SLC7A6OS: variants seen among roughly 807,000 people sequenced by gnomAD.
SLC7A6OS encodes solute carrier family 7 member 6 opposite strand.
In SLC7A6OS, 22 loss-of-function variants were observed where a neutral mutation model predicts 34.3. The observed-to-expected ratio is 0.64, with a 90% confidence interval of 0.46 to 0.92. The LOEUF is 0.92. SLC7A6OS is among the 40% of genes least tolerant of loss of function. The pLI, the probability that SLC7A6OS is intolerant of heterozygous loss-of-function variation, is 0.00. For missense variants in SLC7A6OS, 434 were observed against 407.7 expected, an observed-to-expected ratio of 1.06 and a Z score of -0.56; for synonymous variants, 199 against 165.0, an observed-to-expected ratio of 1.21 and a Z score of -1.58.
rs4783616 is a variant in SLC7A6OS, at chr16:68,309,321, G to T, written c.471+1014C>A. ...TTTGTTGCCCAGGCTGGCCTCAAGC[G>T]ACCCTCCTGCCTCAGCCTCCCAAAG... On this transcript the variant is annotated intron_variant, in intron 2 of 4. Transcript: ENST00000263997. Among the ~76,000 whole-genome samples, 6 of 151,868 alleles carry T rather than the reference G, an allele frequency of 4.0e-5. No homozygotes were observed. The South Asian group carries it at 1.0e-3, about 26-fold the overall frequency.
At chr16:68,301,636 G>A (rs2043278265) in intron 4 of SLC7A6OS, 2 of 354,172 alleles carry the variant, frequency 5.6e-6, no homozygotes, top group Non-Finnish European at 1.0e-5. Context: ...CCCCTCCGTG[G>A]AGTATTTTGT....
At position 68,301,334 on chromosome 16, in the gene SLC7A6OS, G is replaced by T; in HGVS notation, c.871C>A (p.Pro291Thr). 1 of 1,614,092 alleles carries T rather than the reference G, an allele frequency of 6.2e-7. No homozygotes were observed. Residue 291 changes from proline (P) to threonine (T), a missense_variant, in exon 5 of 5, where the codon CCT becomes ACT. Pro to Thr is a conservative substitution (Grantham distance 38, BLOSUM62 -1). Coordinates refer to ENST00000263997, the MANE Select transcript of SLC7A6OS (RefSeq NM_032178.3). ...CCGAACTCCTTCTGCACATCCAGAGGGTACTTGCTCCACATCCGCTGTCTG... is the reference window on the plus strand; with the variant it reads ...CCGAACTCCTTCTGCACATCCAGAGTGTACTTGCTCCACATCCGCTGTCTG... Reference protein sequence around the residue: ...SSRQRMWSKYPLDVQKEFGYD... With the variant: ...SSRQRMWSKYTLDVQKEFGYD...
rs1289890136 is a variant in SLC7A6OS, at chr16:68,310,574, G to A, written c.232C>T (p.Pro78Ser). ...VQPLLREVLRPSRDSQQRVRR... is the reference protein window; with the variant it reads ...VQPLLREVLRSSRDSQQRVRR... Reference sequence around the variant, plus strand: ...ACACGCTGCTGGCTGTCCCGTGACGGGCGCAGAACTTCCCGCAGGAGAGGC... The same window carrying A: ...ACACGCTGCTGGCTGTCCCGTGACGAGCGCAGAACTTCCCGCAGGAGAGGC... Residue 78 changes from proline (P) to serine (S), a missense_variant, in exon 2 of 5, where the codon CCG (proline) becomes TCG (serine). Physicochemically the swap from Pro to Ser is moderately conservative, Grantham distance 74. Transcript: ENST00000263997. The A allele has an allele frequency of 6.3e-7, 1 of 1,588,424 alleles. No individual in the cohort carries two copies.
At chr16:68,308,349 T>C (rs1376610052) in intron 2 of SLC7A6OS, among the ~76,000 whole-genome samples, 1 of 151,918 alleles carries the variant, frequency 6.6e-6, no homozygotes. Context: ...TAGCACCAGC[T>C]GGACGTGGTG....
At chr16:68,309,069 G>C (rs1444075407) in intron 2 of SLC7A6OS, among the ~76,000 whole-genome samples, 1 of 147,652 alleles carries the variant, frequency 6.8e-6, no homozygotes, top group African/African-American at 2.5e-5. Flanking sequence ...AAAAAAAAAA[G>C]AGAGGGCACA....
chr16:68,304,353 C>G lies in SLC7A6OS; in HGVS notation c.472-121G>C, dbSNP rs148270361. 387 of 838,594 alleles carry G rather than the reference C, an allele frequency of 4.6e-4. 1 individual carries two copies. The East Asian group carries it at 8.3e-3, about 18-fold the overall frequency. 51.9% of individuals were successfully genotyped at this position (838,594 alleles called of 1,614,324 possible). A position where few individuals can be genotyped will look rare whatever the true frequency, so the allele number is the denominator to read the frequency against. ...CAGTTTTTTTTGAGACGGAGTCTCA[C>G]TCTGTCGCCCAGGCTGGAGTGCAGT... On this transcript the variant is annotated intron_variant, in intron 2 of 4. Transcript: ENST00000263997.
chr16:68,304,781 GCT>G (rs2043314974), intron 2 of SLC7A6OS, among the ~76,000 whole-genome samples: 1 of 152,082 alleles, frequency 6.6e-6, no homozygotes, highest in South Asian at 2.1e-4. Flanking sequence ...TTTGTGCTTG[GCT>G]CTCACACCTA....
intron 4 of SLC7A6OS, chr16:68,301,627 C>T (rs2043277999): frequency 2.7e-6 from 1 of 374,884 alleles, no homozygotes; most frequent in African/African-American, 2.1e-5. Flanking sequence ...GTCACTTCTC[C>T]CCTCCGTGGA....
chr16:68,302,251 G>T, intron 4 of SLC7A6OS, 130 bp downstream of exon 4: 2 of 1,049,986 alleles, frequency 1.9e-6, no homozygotes, highest in Non-Finnish European at 2.8e-6. Flanking sequence ...CTACAGCATG[G>T]CTCAGTTGCG....
intron 2 of SLC7A6OS, 99 bp downstream of exon 2, chr16:68,310,236 C>T: frequency 7.8e-7 from 1 of 1,285,782 alleles, no homozygotes; most frequent in Non-Finnish European, 1.1e-6. Flanking sequence ...CCGGATGGAT[C>T]ATCCATCCCC....
intron 2 of SLC7A6OS, among the ~76,000 whole-genome samples, chr16:68,309,478 C>A (rs935794979): frequency 6.6e-6 from 1 of 152,098 alleles, no homozygotes; most frequent in African/African-American, 2.4e-5. Flanking sequence ...GTGATCCTCC[C>A]GCCTGGGCCT....
chr16:68,301,657 CT>C, intron 4 of SLC7A6OS: 1 of 312,056 alleles, frequency 3.2e-6, no homozygotes, highest in East Asian at 5.9e-5. Context: ...CACTTCTCCC[CT>C]CCGTATAGGA....
chr16:68,298,596 G>C lies in SLC7A6OS; in HGVS notation c.*2679C>G, dbSNP rs2043215157. 6.6e-6 allele frequency: 1 copy of C among 152,332 alleles called. No homozygotes were observed. The highest frequency in any genetic ancestry group is 1.5e-5 in the Non-Finnish European group (1 of 68,130). The allele number at this position is 152,332 out of a possible 1,614,324, so 9.4% of individuals were successfully genotyped here. A position where few individuals can be genotyped will look rare whatever the true frequency, so the allele number is the denominator to read the frequency against. ...GGTGTGGTGGCTGCAGTCTCAGGAA[G>C]AGCTTGGTACTTGTGGGGACTTCTG... On this transcript the variant is annotated 3_prime_UTR_variant, in exon 5 of 5. Coordinates refer to ENST00000263997, the MANE Select transcript of SLC7A6OS (RefSeq NM_032178.3).
chr16:68,301,567 G>A (rs1486367148), intron 4 of SLC7A6OS, 162 bp from the exon 5 acceptor site: 10 of 549,282 alleles, frequency 1.8e-5, no homozygotes, highest in Non-Finnish European at 2.7e-5. Context: ...TTTAAAGAAG[G>A]AATCACTTTC....
chr16:68,304,263 G>T (rs549904198), intron 2 of SLC7A6OS, 31 bp from the exon 3 acceptor site: 1 of 1,573,426 alleles, frequency 6.4e-7, no homozygotes. Flanking sequence ...ACACACACAC[G>T]CATGACCCAA....
At chr16:68,303,822 G>C in intron 3 of SLC7A6OS, 2 of 571,910 alleles carry the variant, frequency 3.5e-6, no homozygotes, top group South Asian at 4.3e-5. Flanking sequence ...ATGTAAAAAT[G>C]ATCAATCTAA....
At chr16:68,301,759 A>G (rs2043281107) in intron 4 of SLC7A6OS, 1 of 165,630 alleles carries the variant, frequency 6.0e-6, no homozygotes, top group Admixed American at 6.2e-5. Flanking sequence ...CCCCAAAAGA[A>G]TATGCAATTG....
Position 68,305,658 on chromosome 16 carries a change from G to C in SLC7A6OS, c.472-1426C>G, listed in dbSNP as rs28482167. On this transcript the variant is annotated intron_variant, in intron 2 of 4. Transcript: ENST00000263997. ...TTGCTCCAAAGTCAAAAAGAAGCTA[G>C]AGATGCCAGTTTTTCTGCAGAACCT... 8.3e-3 allele frequency among the ~76,000 whole-genome samples: 1,266 copies of C among 152,312 alleles called. 25 individuals are homozygous for C. Among genetic ancestry groups the C allele is most frequent in the African/African-American group, 0.029 (1,206 of 41,568 alleles).
In SLC7A6OS at chr16:68,302,474, T is replaced by G. The variant is rs746828690; in HGVS notation, c.706A>C (p.Ile236Leu). The G allele has an allele frequency of 1.9e-6, 3 of 1,614,188 alleles. No individual in the cohort carries two copies. The highest frequency in any genetic ancestry group is 1.7e-6 in the Non-Finnish European group (2 of 1,180,036). ...TTCTCGTCATCTTCATCGTCGTAAA[T>G]GTCCTCTGGTTCTTGATCATCATTC... ...LVNDDQEPED[I>L]YDDEDDENSE... Residue 236 changes from isoleucine to leucine, a missense_variant, in exon 4 of 5, where the codon ATT becomes CTT. By Grantham distance (5) the Ile-to-Leu change is conservative. Coordinates refer to ENST00000263997, the MANE Select transcript of SLC7A6OS (RefSeq NM_032178.3).
Sources: allele counts gnomAD v4.1 joint callset (sites outside exome capture counted in the v4.1 genomes callset), GRCh38; gene constraint gnomAD v4.1.1; transcripts MANE v1.5; gene names NCBI Gene and HGNC (gene_info 2026-07-23, HGNC 2026-07-21).